Variants in ZDHHC11 observed in about 807,000 individuals in gnomAD.
The protein encoded by ZDHHC11 is zDHHC palmitoyltransferase 11.
ZDHHC11 carries 44 observed loss-of-function variants against 51.3 expected under a neutral mutation model. That is an observed-to-expected ratio of 0.86 (90% confidence interval 0.67 to 1.10). ZDHHC11 has a LOEUF of 1.10. Among genes scored for constraint, ZDHHC11 ranks in the 50% least tolerant of loss-of-function variants. ZDHHC11 has a pLI of 0.00. For missense variants in ZDHHC11, 400 were observed against 537.7 expected (o/e 0.74, Z 2.53); for synonymous variants, 163 against 222.0 (o/e 0.73, Z 2.36).
upstream of ZDHHC11, among the ~76,000 whole-genome samples, chr5:859,692 G>A (rs1010681197): frequency 1.3e-5 from 2 of 152,138 alleles, no homozygotes; most frequent in Non-Finnish European, 2.9e-5. Context: ...TCAGGAATTC[G>A]GTCACTGGCT....
At chr5:818,279 T>C (rs1276582432) in intron 10 of ZDHHC11, among the ~76,000 whole-genome samples, 4 of 151,428 alleles carry the variant, frequency 2.6e-5, no homozygotes, top group Non-Finnish European at 4.4e-5. Context: ...GTGTGCCACA[T>C]GGAGTGAGGG....
rs1460768195 is a variant in ZDHHC11, at chr5:846,737, C to A, written c.503+777G>T. On this transcript the variant is annotated intron_variant, in intron 3 of 12. Coordinates refer to ENST00000283441, the MANE Select transcript of ZDHHC11 (RefSeq NM_024786.3). The stretch of plus-strand genomic sequence containing the variant: ...GCCTCCACCATGCTCAGGGGAAACA[C>A]CTCTCGTTCTTGAGCCTCCACCGTG... 1.1e-3 allele frequency among the ~76,000 whole-genome samples: 158 copies of A among 147,536 alleles called. 4 individuals carry two copies. Among genetic ancestry groups the A allele is most frequent in the African/African-American group, 3.2e-3 (124 of 39,018 alleles).
At position 831,164 on chromosome 5, in the gene ZDHHC11, A is replaced by G. The variant is rs1386827316; in HGVS notation, c.935+2609T>C. The stretch of plus-strand genomic sequence containing the variant: ...TATTTTAAATAAGTACCTTCTGCAC[A>G]GGAAAAGAAGTAATAAGCAGACTAA... On this transcript the variant is annotated intron_variant, in intron 7 of 12. Coordinates refer to ENST00000283441, the MANE Select transcript of ZDHHC11 (RefSeq NM_024786.3). Among the ~76,000 whole-genome samples the G allele has an allele frequency of 4.0e-5, 6 of 149,456 alleles. 2 individuals carry two copies. Among genetic ancestry groups the G allele is most frequent in the Non-Finnish European group, 7.5e-5 (5 of 67,108 alleles).
At chr5:837,958 G>A (rs957500082) in intron 5 of ZDHHC11, among the ~76,000 whole-genome samples, 8 of 151,898 alleles carry the variant, frequency 5.3e-5, no homozygotes, top group Admixed American at 5.2e-4. Context: ...GCGCACCTTG[G>A]GGGATGCACA....
intron 11 of ZDHHC11, among the ~76,000 whole-genome samples, chr5:807,083 C>T (rs199963308): frequency 8.7e-5 from 13 of 149,682 alleles, no homozygotes; most frequent in Non-Finnish European, 1.5e-4. Flanking sequence ...CATGCCCAAC[C>T]ATAGCAGAGG....
intron 1 of ZDHHC11, among the ~76,000 whole-genome samples, chr5:858,533 T>C (rs1422790242): frequency 3.3e-5 from 5 of 152,192 alleles, no homozygotes; most frequent in African/African-American, 4.8e-5. Flanking sequence ...GGTCCCTGAG[T>C]CTGTCCTCAC....
intron 10 of ZDHHC11, among the ~76,000 whole-genome samples, chr5:815,430 T>C (rs1184541713): frequency 1.3e-5 from 2 of 151,546 alleles, no homozygotes; most frequent in African/African-American, 4.8e-5. Flanking sequence ...CTGGCTCATA[T>C]GATAAGTACA....
intron 12 of ZDHHC11, among the ~76,000 whole-genome samples, chr5:799,478 G>C (rs1277458979): frequency 5.3e-5 from 8 of 151,630 alleles, no homozygotes; most frequent in African/African-American, 1.9e-4. Context: ...GACACGCCTT[G>C]TGTCCATCAC....
rs114752627 is a variant in ZDHHC11 at position 816,846 on chromosome 5, C to T, written c.1147-2051G>A. The stretch of plus-strand genomic sequence containing the variant: ...ATGGCAGATACACCCTGAAGCTGAC[C>T]TTCATCAGCAGGAGAACAAAGCAGC... On this transcript the variant is annotated intron_variant, in intron 10 of 12. Transcript: ENST00000283441. 183 of 472,426 alleles carry T rather than the reference C, an allele frequency of 3.9e-4. 2 individuals carry two copies. Among genetic ancestry groups the T allele is most frequent in the African/African-American group, 3.4e-3 (170 of 50,082 alleles). The allele number at this position is 472,426 out of a possible 1,614,324, so 29.3% of individuals were successfully genotyped here.
rs746891325 is a variant in ZDHHC11, at chr5:850,394, T to C, written c.209A>G (p.Tyr70Cys). The change falls in exon 1 of 13, where the codon TAC (tyrosine) becomes TGC (cysteine). Residue 70 changes from tyrosine (Y) to cysteine (C), a missense_variant. Physicochemically the swap from Tyr to Cys is radical, Grantham distance 194. Around this residue, in one of 5 missense-constraint regions of ZDHHC11, gnomAD observed 119 missense variants for 99.6 expected, o/e 1.20. Transcript: ENST00000283441. ...TGAAAAGGATACCACGTAGGCAATGTATTTCCACGCGTGAGGCAGGAAGGG... is the reference window on the plus strand; with the variant it reads ...TGAAAAGGATACCACGTAGGCAATGCATTTCCACGCGTGAGGCAGGAAGGG... ...FIPFLPHAWK[Y>C]IAYVVTGGIF... The C allele has an allele frequency of 6.2e-7, 1 of 1,613,610 alleles. No individual in the cohort carries two copies. The highest frequency in any genetic ancestry group is 1.1e-5 in the South Asian group (1 of 91,074).
intron 5 of ZDHHC11, among the ~76,000 whole-genome samples, chr5:838,063 G>A (rs1156859763): frequency 6.6e-6 from 1 of 151,832 alleles, no homozygotes; most frequent in African/African-American, 2.4e-5. Context: ...CGTGCTGAGA[G>A]CCCCAGGCCC....
At chr5:837,737 C>T (rs1309663665) in intron 5 of ZDHHC11, among the ~76,000 whole-genome samples, 4 of 151,882 alleles carry the variant, frequency 2.6e-5, no homozygotes, top group African/African-American at 7.2e-5. Context: ...ACGCCCCTGC[C>T]GCCTGCCACG....
chr5:811,861 G>A (rs1379888407), intron 11 of ZDHHC11, among the ~76,000 whole-genome samples: 5 of 136,508 alleles, frequency 3.7e-5, no homozygotes, highest in African/African-American at 1.5e-4. Flanking sequence ...GTGACTGTCG[G>A]ACATTAAAAT....
chr5:820,545 C>A (rs559721579), intron 9 of ZDHHC11, among the ~76,000 whole-genome samples: 25 of 151,312 alleles, frequency 1.7e-4, no homozygotes, highest in Non-Finnish European at 3.4e-4. Context: ...GAGCCCCTGC[C>A]GGTGTCTGTG....
intron 11 of ZDHHC11, among the ~76,000 whole-genome samples, chr5:806,051 A>AATGGG (rs1485409063): frequency 1.1e-4 from 16 of 151,176 alleles, no homozygotes; most frequent in African/African-American, 3.6e-4. Context: ...CAGGTGGGAG[A>AATGGG]ATGGGGGAGG....
intron 3 of ZDHHC11, among the ~76,000 whole-genome samples, chr5:846,070 A>AC (rs1381719132): frequency 1.3e-5 from 2 of 150,202 alleles, no homozygotes; most frequent in Non-Finnish European, 3.0e-5. Context: ...AGCTGGCCCC[A>AC]CCTTGGCCAT....
intron 11 of ZDHHC11, among the ~76,000 whole-genome samples, chr5:804,275 T>C (rs577466391): frequency 2.0e-5 from 3 of 151,270 alleles, no homozygotes; most frequent in Non-Finnish European, 4.4e-5. Flanking sequence ...AATCATTCCT[T>C]TGTCCAGCAT....
At chr5:858,713 A>G (rs1410076162) in intron 1 of ZDHHC11, among the ~76,000 whole-genome samples, 1 of 152,130 alleles carries the variant, frequency 6.6e-6, no homozygotes, top group Non-Finnish European at 1.5e-5. Flanking sequence ...TACTCCCCAC[A>G]GTGGAAACGG....
chr5:814,230 G>A (rs1171230791), intron 11 of ZDHHC11, among the ~76,000 whole-genome samples: 1 of 149,210 alleles, frequency 6.7e-6, no homozygotes, highest in African/African-American at 2.5e-5. Context: ...ATTTGTCATG[G>A]CTGTACAATT....
Sources: allele counts gnomAD v4.1 joint callset (sites outside exome capture counted in the v4.1 genomes callset), GRCh38; gene constraint gnomAD v4.1.1; regional missense constraint gnomAD v4.1.1; transcripts MANE v1.5; gene names NCBI Gene and HGNC (gene_info 2026-07-23, HGNC 2026-07-21).